RPS29: variants seen among roughly 807,000 people sequenced by gnomAD.
The protein encoded by RPS29 is small ribosomal subunit protein uS14.
For missense variants in RPS29, 60 were observed against 75.7 expected (o/e 0.79, Z 0.77); for synonymous variants, 37 against 26.9 (o/e 1.37, Z -1.16).
At chr14:49,598,452 T>A in exon 1 of RPS29, 1 of 702,250 alleles carries the variant, frequency 1.4e-6, no homozygotes, top group South Asian at 1.5e-5. Flanking sequence ...AATACAGCCA[T>A]ATAAAGCCCC....
At chr14:49,592,896 G>A (rs867763366) in intron 1 of RPS29, among the ~76,000 whole-genome samples, 1 of 139,538 alleles carries the variant, frequency 7.2e-6, no homozygotes, top group Non-Finnish European at 1.6e-5. Context: ...CAGCAAGAGC[G>A]AAACCGCATC....
At chr14:49,591,406 G>A (rs7157952) in intron 1 of RPS29, among the ~76,000 whole-genome samples, 12 of 151,912 alleles carry the variant, frequency 7.9e-5, no homozygotes, top group South Asian at 2.1e-4. Flanking sequence ...TCCACCTCCC[G>A]GCTCAAGCGA....
chr14:49,583,233 A>G (rs576725893), downstream of RPS29, among the ~76,000 whole-genome samples: 2 of 152,332 alleles, frequency 1.3e-5, no homozygotes, highest in East Asian at 3.9e-4. Context: ...AAGTTTATTG[A>G]GAAGGTAATA....
exon 3 of RPS29, chr14:49,575,255 C>G (rs1440477861): frequency 1.3e-5 from 2 of 152,256 alleles, no homozygotes; most frequent in Admixed American, 1.3e-4. Flanking sequence ...ATTGGCCAGG[C>G]TGGTCTTTAA....
intron 1 of RPS29, among the ~76,000 whole-genome samples, chr14:49,596,690 T>C (rs556668664): frequency 6.6e-6 from 1 of 152,278 alleles, no homozygotes; most frequent in South Asian, 2.1e-4. Flanking sequence ...TGAACTGTTA[T>C]GTAACTTTCA....
chr14:49,582,632 G>C (rs937972693), downstream of RPS29, among the ~76,000 whole-genome samples: 1 of 152,164 alleles, frequency 6.6e-6, no homozygotes, highest in Non-Finnish European at 1.5e-5. Flanking sequence ...TTGTACAATT[G>C]TTATCCACAA....
chr14:49,584,719 GCCACTGCACT>G (rs1881458929), intron 2 of RPS29, among the ~76,000 whole-genome samples: 2 of 151,118 alleles, frequency 1.3e-5, no homozygotes, highest in Admixed American at 1.3e-4. Flanking sequence ...CTGAGATCAC[GCCACTGCACT>G]CCAGCCTGGG....
upstream of RPS29, among the ~76,000 whole-genome samples, chr14:49,587,395 G>A (rs1352657882): frequency 1.3e-5 from 2 of 152,214 alleles, no homozygotes; most frequent in Non-Finnish European, 2.9e-5. Context: ...AATGCCTCCA[G>A]ATAAAACTGC....
downstream of RPS29, among the ~76,000 whole-genome samples, chr14:49,580,636 C>T (rs540438013): frequency 6.6e-6 from 1 of 152,180 alleles, no homozygotes; most frequent in African/African-American, 2.4e-5. Context: ...CTTTGGGAGG[C>T]TGAGGTGGGT....
downstream of RPS29, among the ~76,000 whole-genome samples, chr14:49,581,328 A>G (rs187067069): frequency 8.2e-4 from 125 of 152,314 alleles, no homozygotes; most frequent in Non-Finnish European, 1.3e-3. Context: ...TCTTAATCAA[A>G]GGCACACAAT....
intron 2 of RPS29, 105 bp downstream of exon 2, chr14:49,585,845 G>T (rs1566482036): frequency 3.5e-6 from 3 of 850,120 alleles, no homozygotes; most frequent in East Asian, 4.9e-5. Context: ...CGAATGCTCA[G>T]AATTACCACT....
intron 1 of RPS29, chr14:49,598,331 C>T (rs1252398109): frequency 3.2e-6 from 2 of 625,644 alleles, no homozygotes; most frequent in African/African-American, 1.8e-5. Context: ...AGTACGAAGG[C>T]CTTGTGCGGT....
chr14:49,579,842 CACTGA>C (rs1881286880), downstream of RPS29, among the ~76,000 whole-genome samples: 1 of 152,290 alleles, frequency 6.6e-6, no homozygotes, highest in Admixed American at 6.5e-5. Context: ...AGAGCATAGG[CACTGA>C]TTTCAGACAG....
chr14:49,575,041 TTCTTTA>T (rs1403396680), exon 3 of RPS29: 3 of 152,128 alleles, frequency 2.0e-5, no homozygotes, highest in African/African-American at 7.2e-5. Flanking sequence ...AGGGATCTCT[TTCTTTA>T]TCTTTTTTTT....
At chr14:49,598,633 C>T in exon 1 of RPS29, 2 of 701,128 alleles carry the variant, frequency 2.9e-6, no homozygotes, top group Non-Finnish European at 5.2e-6. Context: ...AGCGGCCCGA[C>T]GTGCGCCCGC....
chr14:49,573,344 T>G (rs1881102363), exon 3 of RPS29: 1 of 151,394 alleles, frequency 6.6e-6, no homozygotes. Flanking sequence ...GGTGCGCACC[T>G]GTAATCCCAG....
intron 1 of RPS29, among the ~76,000 whole-genome samples, chr14:49,593,806 G>A (rs1881766258): frequency 6.6e-6 from 1 of 151,902 alleles, no homozygotes; most frequent in African/African-American, 2.4e-5. Flanking sequence ...AGGCTGTCCT[G>A]GGGCAATCTG....
chr14:49,580,755 C>T (rs1261307094), downstream of RPS29, among the ~76,000 whole-genome samples: 1 of 152,048 alleles, frequency 6.6e-6, no homozygotes, highest in African/African-American at 2.4e-5. Flanking sequence ...CCTGTACAGG[C>T]ACACCTGTAA....
intron 2 of RPS29, among the ~76,000 whole-genome samples, chr14:49,584,204 G>A (rs1208957659): frequency 1.3e-5 from 2 of 152,182 alleles, no homozygotes; most frequent in Non-Finnish European, 2.9e-5. Flanking sequence ...GAAACCCTGG[G>A]CTCAAGAAAT....
Sources: gnomAD v4.1 joint callset for allele counts (sites outside exome capture counted in the v4.1 genomes callset) on GRCh38, gnomAD v4.1.1 for gene constraint, MANE v1.5 for transcripts, NCBI Gene and HGNC (gene_info 2026-07-23, HGNC 2026-07-21) for gene names.